Variants in TMEM68 observed in about 807,000 individuals in gnomAD.
TMEM68 encodes DGAT1/2-independent enzyme synthesizing storage lipids.
TMEM68 carries 25 observed loss-of-function variants against 36.9 expected under a neutral mutation model. The ratio of observed to expected loss-of-function variants is 0.68; its 90% CI spans 0.49 to 0.95. The LOEUF (loss-of-function observed/expected upper bound fraction) is 0.95. TMEM68 is among the 40% of genes least tolerant of loss of function. The pLI is 0.00. For missense variants in TMEM68, 333 were observed against 392.0 expected (o/e 0.85, Z 1.27); for synonymous variants, 131 against 124.4 (o/e 1.05, Z -0.35).
intron 1 of TMEM68, among the ~76,000 whole-genome samples, chr8:55,766,942 A>C (rs1810982016): frequency 6.6e-6 from 1 of 152,182 alleles, no homozygotes; most frequent in African/African-American, 2.4e-5. Context: ...ATCTGAGATA[A>C]TTATATGGTG....
At chr8:55,765,021 G>C (rs752404982) in intron 1 of TMEM68, among the ~76,000 whole-genome samples, 13 of 152,060 alleles carry the variant, frequency 8.5e-5, no homozygotes, top group Non-Finnish European at 1.9e-4. Context: ...GCAGCGAGCC[G>C]AGATTGCACC....
chr8:55,745,447 C>T (rs1230270467), intron 5 of TMEM68: 2 of 158,338 alleles, frequency 1.3e-5, no homozygotes, highest in African/African-American at 4.8e-5. Context: ...CACGATTAGT[C>T]TATCAACTAA....
intron 1 of TMEM68, among the ~76,000 whole-genome samples, chr8:55,769,271 G>C (rs112472574): frequency 4.1e-4 from 51 of 124,954 alleles, no homozygotes; most frequent in African/African-American, 1.5e-3. Context: ...TATATAAGCC[G>C]AGATTCTGAC....
chr8:55,754,638 T>A (rs1173558392), intron 4 of TMEM68, among the ~76,000 whole-genome samples: 1 of 132,264 alleles, frequency 7.6e-6, no homozygotes, highest in Non-Finnish European at 1.5e-5. Flanking sequence ...ATACATTATA[T>A]AATATATATT....
chr8:55,765,722 TCATGAGGTGGGCTAAGA>T (rs1810943529), intron 1 of TMEM68, among the ~76,000 whole-genome samples: 1 of 152,198 alleles, frequency 6.6e-6, no homozygotes, highest in Non-Finnish European at 1.5e-5. Context: ...TTATTAACTT[TCATGAGGTGGGCTAAGA>T]CATAGCCTAT....
chr8:55,772,203 A>G (rs966870337), intron 1 of TMEM68, among the ~76,000 whole-genome samples: 5 of 152,242 alleles, frequency 3.3e-5, no homozygotes, highest in South Asian at 2.1e-4. Context: ...TTGAAAATGA[A>G]TATTTCCACT....
intron 7 of TMEM68, among the ~76,000 whole-genome samples, 166 bp from the exon 8 acceptor site, chr8:55,740,384 C>T (rs922093288): frequency 1.3e-5 from 2 of 152,114 alleles, no homozygotes; most frequent in African/African-American, 2.4e-5. Flanking sequence ...AGGCTGTTCT[C>T]GAACTCCTGG....
chr8:55,766,600 T>A (rs1810970366), intron 1 of TMEM68, among the ~76,000 whole-genome samples: 1 of 151,988 alleles, frequency 6.6e-6, no homozygotes, highest in African/African-American at 2.4e-5. Context: ...ATGGTCTCGA[T>A]CTCCTGAACT....
At position 55,745,102 on chromosome 8, in the gene TMEM68, G is replaced by T; in HGVS notation, c.707C>A (p.Thr236Lys). The T allele has an allele frequency of 6.7e-7, 1 of 1,494,674 alleles. No homozygotes were observed. The highest frequency in any genetic ancestry group is 8.9e-7 in the Non-Finnish European group (1 of 1,125,630). The allele number at this position is 1,494,674 out of a possible 1,614,324, so 92.6% of individuals were successfully genotyped here. ...TCTAAATCCTTCTCGAATATTTTGT[G>T]TAAACATAGGAATAATGGGCTAAAG... is the stretch of plus-strand genomic sequence containing the variant. The part of the protein sequence containing the change: ...DAKVPIIPMF[T>K]QNIREGFRSL... Residue 236 changes from threonine (T) to lysine (K), a missense_variant, in exon 6 of 8, where the codon ACA (threonine) becomes AAA (lysine). Transcript: ENST00000434581.
chr8:55,770,702 TAGA>T (rs1318770692), intron 1 of TMEM68, among the ~76,000 whole-genome samples: 3 of 152,042 alleles, frequency 2.0e-5, no homozygotes, highest in Admixed American at 6.6e-5. Context: ...CTCTATGTAC[TAGA>T]AGATGTTTTG....
At position 55,757,449 on chromosome 8, in the gene TMEM68, G is replaced by A. The variant is rs1291672264; in HGVS notation, c.326-1038C>T. ...CTCTTCTCCACAGACCTCAGTGTGTGCTCACAAGAAAGATTAGGGGTGAAG... is the reference window on the plus strand; with the variant it reads ...CTCTTCTCCACAGACCTCAGTGTGTACTCACAAGAAAGATTAGGGGTGAAG... On this transcript the variant is annotated intron_variant, in intron 3 of 7. Coordinates refer to ENST00000434581, the MANE Select transcript of TMEM68 (RefSeq NM_001286657.2). 2.6e-5 allele frequency among the ~76,000 whole-genome samples: 4 copies of A among 152,314 alleles called. No individual in the cohort carries two copies. In the South Asian group the frequency reaches 8.3e-4, roughly 32 times the overall value.
intron 2 of TMEM68, 137 bp from the exon 3 acceptor site, chr8:55,763,165 T>A (rs1585730332): frequency 4.3e-6 from 2 of 462,932 alleles, no homozygotes; most frequent in Non-Finnish European, 3.7e-6. Context: ...TTGTTGCAGA[T>A]TTAAATGTGA....
intron 7 of TMEM68, among the ~76,000 whole-genome samples, chr8:55,741,131 C>G (rs1209007703): frequency 1.3e-5 from 2 of 152,100 alleles, no homozygotes; most frequent in African/African-American, 2.4e-5. Flanking sequence ...ACTTGGGAGG[C>G]TGAGGCAGGA....
intron 1 of TMEM68, among the ~76,000 whole-genome samples, chr8:55,769,022 A>T (rs1476857477): frequency 8.3e-5 from 12 of 144,478 alleles, no homozygotes; most frequent in Admixed American, 4.1e-4. Context: ...TGTCTTTAAA[A>T]AAAAAAAAAA....
intron 2 of TMEM68, 48 bp from the exon 3 acceptor site, chr8:55,763,076 T>TTAA: frequency 8.8e-7 from 1 of 1,142,640 alleles, no homozygotes; most frequent in Non-Finnish European, 1.2e-6. Flanking sequence ...AGCTATAAAG[T>TTAA]TAAATGTTTT....
intron 1 of TMEM68, among the ~76,000 whole-genome samples, chr8:55,768,688 A>C (rs1811051548): frequency 6.6e-6 from 1 of 151,990 alleles, no homozygotes; most frequent in Non-Finnish European, 1.5e-5. Context: ...TCTACTAAAA[A>C]TGCAAAAATT....
intron 1 of TMEM68, among the ~76,000 whole-genome samples, chr8:55,771,966 A>C (rs1811186292): frequency 6.6e-6 from 1 of 152,084 alleles, no homozygotes; most frequent in Admixed American, 6.6e-5. Context: ...ACCCTTCAAG[A>C]CTTTTCTTTA....
At chr8:55,764,822 C>T (rs934394551) in intron 1 of TMEM68, among the ~76,000 whole-genome samples, 1 of 152,172 alleles carries the variant, frequency 6.6e-6, no homozygotes, top group African/African-American at 2.4e-5. Flanking sequence ...CTTGTAATCC[C>T]AGCACTTTGG....
intron 1 of TMEM68, among the ~76,000 whole-genome samples, chr8:55,766,395 G>A (rs934062578): frequency 1.7e-4 from 7 of 42,140 alleles, no homozygotes; most frequent in African/African-American, 7.1e-4. Flanking sequence ...TTTTTTTTTT[G>A]AGATGGAGTC....
Sources: gnomAD v4.1 joint callset for allele counts (sites outside exome capture counted in the v4.1 genomes callset) on GRCh38, gnomAD v4.1.1 for gene constraint, MANE v1.5 for transcripts, NCBI Gene and HGNC (gene_info 2026-07-23, HGNC 2026-07-21) for gene names.